The following ATP2B1 variants were observed in gnomAD, a reference collection of about 807,000 sequenced individuals.
ATP2B1 encodes the protein plasma membrane calcium-transporting ATPase 1.
In ATP2B1, 14 loss-of-function variants were observed where a neutral mutation model predicts 124.2. The observed-to-expected ratio is 0.11, with a 90% CI of 0.07 to 0.18. The LOEUF (loss-of-function observed/expected upper bound fraction) is 0.18, where lower values mean the gene tolerates loss of function less well. Among genes scored for constraint, ATP2B1 ranks in the 10% least tolerant of loss-of-function variants. The pLI is 1.00. For missense variants in ATP2B1, 763 were observed against 1,466.1 expected, an observed-to-expected ratio of 0.52 and a Z score of 7.83; for synonymous variants, 449 against 492.4, an observed-to-expected ratio of 0.91 and a Z score of 1.17.
intron 1 of ATP2B1, 53 bp downstream of exon 1, chr12:89,708,543 A>C (rs1161354783): frequency 6.8e-6 from 1 of 147,464 alleles, no homozygotes; most frequent in Non-Finnish European, 1.5e-5. Context: ...CCTCCCCCGC[A>C]GGTGACCTGC....
intron 1 of ATP2B1, among the ~76,000 whole-genome samples, chr12:89,677,127 A>G (rs1013763872): frequency 6.6e-6 from 1 of 152,168 alleles, no homozygotes; most frequent in Non-Finnish European, 1.5e-5. Flanking sequence ...GTATATGTGC[A>G]GGGATACACA....
intron 2 of ATP2B1, among the ~76,000 whole-genome samples, chr12:89,653,624 A>G (rs1008394728): frequency 6.6e-6 from 1 of 152,176 alleles, no homozygotes; most frequent in Non-Finnish European, 1.5e-5. Context: ...TGCTAAGTGG[A>G]TATTTCTAGA....
At chr12:89,677,971 T>TATACACACAC (rs1461216851) in intron 1 of ATP2B1, among the ~76,000 whole-genome samples, 67 of 52,304 alleles carry the variant, frequency 1.3e-3, no homozygotes, top group South Asian at 3.8e-3. Context: ...TATATATATA[T>TATACACACAC]ACACACACAC....
chr12:89,595,333 A>G (rs1311295560), intron 20 of ATP2B1, among the ~76,000 whole-genome samples: 1 of 152,044 alleles, frequency 6.6e-6, no homozygotes, highest in African/African-American at 2.4e-5. Context: ...TCTCATTTCC[A>G]GGAATGTGTA....
intron 15 of ATP2B1, among the ~76,000 whole-genome samples, chr12:89,606,461 A>G (rs1334101812): frequency 6.6e-6 from 1 of 152,220 alleles, no homozygotes; most frequent in Non-Finnish European, 1.5e-5. Context: ...TTGTTTTGAT[A>G]AACATGAAGT....
intron 1 of ATP2B1, among the ~76,000 whole-genome samples, chr12:89,706,336 A>G (rs969886755): frequency 3.3e-5 from 5 of 151,930 alleles, no homozygotes; most frequent in African/African-American, 1.2e-4. Context: ...ACTATATCTG[A>G]TCCTGCGTGT....
intron 1 of ATP2B1, among the ~76,000 whole-genome samples, chr12:89,681,491 G>A (rs757259887): frequency 1.5e-4 from 23 of 150,540 alleles, no homozygotes; most frequent in Non-Finnish European, 3.1e-4. Context: ...AGTGATTCTC[G>A]TGCCTCAGCC....
chr12:89,598,862 G>T, intron 20 of ATP2B1: 1 of 1,261,362 alleles, frequency 7.9e-7, no homozygotes. Context: ...CAGCATATAG[G>T]CAAGAATAGC....
chr12:89,694,742 G>A lies in ATP2B1; in HGVS notation c.-222+13854C>T, dbSNP rs182280603. Among the ~76,000 whole-genome samples the A allele has an allele frequency of 4.7e-4, 72 of 152,214 alleles. No homozygotes were observed. In the East Asian group the frequency reaches 0.011, roughly 23 times the overall value. On this transcript the variant is annotated intron_variant, in intron 1 of 20. Coordinates refer to ENST00000428670, the MANE Select transcript of ATP2B1 (RefSeq NM_001366521.1). The stretch of plus-strand genomic sequence containing the variant: ...CCCTCCAAATGTAATTGTGACAGAA[G>A]GCCAGAGATCACCATCAAGAATTCT...
chr12:89,698,517 C>CA (rs1201677519), intron 1 of ATP2B1, among the ~76,000 whole-genome samples: 1 of 151,974 alleles, frequency 6.6e-6, no homozygotes, highest in African/African-American at 2.4e-5. Context: ...TAAGGAGGCA[C>CA]AAAAAATTTA....
intron 1 of ATP2B1, among the ~76,000 whole-genome samples, chr12:89,700,012 ATTTTTTT>A (rs34709694): frequency 1.2e-4 from 16 of 133,236 alleles, no homozygotes; most frequent in African/African-American, 3.9e-4. Context: ...GCCTGGCTAA[ATTTTTTT>A]TTTTTTTTTT....
At chr12:89,663,933 T>C (rs1887000952) in intron 1 of ATP2B1, among the ~76,000 whole-genome samples, 1 of 152,234 alleles carries the variant, frequency 6.6e-6, no homozygotes, top group Non-Finnish European at 1.5e-5. Context: ...AGGGGCTGGA[T>C]GGCACAGCAG....
rs1441611854 is a variant in ATP2B1 at position 89,655,869 on chromosome 12, G to A, written c.18C>T (p.Asn6=). The change falls in exon 2 of 21, where the codon AAC becomes AAT. Residue 6 remains asparagine (N), a synonymous_variant. Coordinates refer to ENST00000428670, the MANE Select transcript of ATP2B1 (RefSeq NM_001366521.1). ...TCACACCACTGTAAGCAACTGAGTT[G>A]TTTGCCATGTCGCCCATTACAAGTA... MGDMA[N]NSVAYSGVKN... The A allele has an allele frequency of 6.3e-7, 1 of 1,598,216 alleles. No homozygotes were observed. Among genetic ancestry groups the A allele is most frequent in the South Asian group, 1.1e-5 (1 of 89,856 alleles).
intron 1 of ATP2B1, among the ~76,000 whole-genome samples, chr12:89,687,470 T>C (rs1333200302): frequency 1.3e-5 from 2 of 152,104 alleles, no homozygotes; most frequent in East Asian, 3.8e-4. Context: ...GTAGGTTACA[T>C]GCAAACATAT....
At chr12:89,636,148 A>G (rs988046779) in intron 3 of ATP2B1, among the ~76,000 whole-genome samples, 8 of 150,970 alleles carry the variant, frequency 5.3e-5, no homozygotes, top group Non-Finnish European at 1.0e-4. Flanking sequence ...GCCATCTAAG[A>G]AAAAAAAAAT....
At chr12:89,613,302 A>C (rs771415075) in intron 12 of ATP2B1, among the ~76,000 whole-genome samples, 8 of 152,178 alleles carry the variant, frequency 5.3e-5, no homozygotes, top group Non-Finnish European at 1.0e-4. Context: ...GTTTTAAAAC[A>C]TGTATGCAAT....
chr12:89,654,607 A>G (rs948197664), intron 2 of ATP2B1, among the ~76,000 whole-genome samples: 3 of 152,214 alleles, frequency 2.0e-5, no homozygotes, highest in Non-Finnish European at 4.4e-5. Flanking sequence ...TATCATTAAA[A>G]TAATTAACAA....
At chr12:89,646,714 G>C (rs1255057468) in intron 2 of ATP2B1, among the ~76,000 whole-genome samples, 1 of 152,224 alleles carries the variant, frequency 6.6e-6, no homozygotes, top group Non-Finnish European at 1.5e-5. Flanking sequence ...GAAAAGAGCT[G>C]AACGGACAGT....
chr12:89,708,421 C>A (rs1311106669), intron 1 of ATP2B1, among the ~76,000 whole-genome samples, 175 bp downstream of exon 1: 1 of 152,160 alleles, frequency 6.6e-6, no homozygotes, highest in Non-Finnish European at 1.5e-5. Context: ...AAGAGGCAAC[C>A]TGCGAGGGGC....
Sources: allele counts gnomAD v4.1 joint callset (sites outside exome capture counted in the v4.1 genomes callset), GRCh38; gene constraint gnomAD v4.1.1; transcripts MANE v1.5; gene names NCBI Gene and HGNC (gene_info 2026-07-23, HGNC 2026-07-21).